The following CHODL variants were observed in gnomAD, a reference collection of about 807,000 sequenced individuals.
The protein encoded by CHODL is transmembrane protein MT75.
CHODL carries 29 observed loss-of-function variants against 34.5 expected under a neutral mutation model. That is an observed-to-expected ratio of 0.84 (90% confidence interval 0.63 to 1.15). The LOEUF is 1.15. Among genes scored for constraint, CHODL ranks in the 50% most tolerant of loss-of-function variants. The pLI, the probability that CHODL is intolerant of heterozygous loss-of-function variation, is 0.00. For synonymous variants in CHODL, 125 were observed against 116.1 expected (o/e 1.08, Z -0.49); for missense variants, 332 against 332.5 (o/e 1.00, Z 0.01).
rs1555875213 is a variant in CHODL, at chr21:18,136,120, A to AAG, written c.-45+108150_-45+108151insGA. 1.3e-3 allele frequency among the ~76,000 whole-genome samples: 162 copies of AAG among 125,856 alleles called. 6 individuals carry two copies. Among genetic ancestry groups the AAG allele is most frequent in the African/African-American group, 4.2e-3 (135 of 31,846 alleles). The allele number at this position is 125,856 out of a possible 152,430, so 82.6% of individuals were successfully genotyped here. ...GATTATGTCTCAAAAAAAAAAAAAG[A>AAG]AAAAGAAAAAAAAGAAAAAATGAAT... On this transcript the variant is annotated intron_variant, in intron 2 of 6. Coordinates refer to the CHODL transcript ENST00000400127.
intron 1 of CHODL, among the ~76,000 whole-genome samples, chr21:17,988,225 T>C (rs1469280599): frequency 6.6e-6 from 1 of 152,128 alleles, no homozygotes; most frequent in Non-Finnish European, 1.5e-5. Context: ...TGACTCACAT[T>C]GAGGAAGTCA....
At chr21:18,190,719 C>T (rs2824702) in intron 2 of CHODL, among the ~76,000 whole-genome samples, 12,667 of 152,052 alleles carry the variant, frequency 0.083, 667 homozygotes, top group East Asian at 0.14. Flanking sequence ...CATCATATCA[C>T]GTAAGGCTGA....
chr21:18,197,196 T>C (rs560166902), intron 2 of CHODL, among the ~76,000 whole-genome samples: 1 of 152,344 alleles, frequency 6.6e-6, no homozygotes, highest in East Asian at 1.9e-4. Flanking sequence ...TATACTGAAG[T>C]AAATATAAAT....
At chr21:18,221,582 C>A (rs546972221) in intron 2 of CHODL, among the ~76,000 whole-genome samples, 2 of 152,282 alleles carry the variant, frequency 1.3e-5, no homozygotes, top group South Asian at 4.1e-4. Flanking sequence ...AGAATGCTTT[C>A]ATTTTCTTCC....
chr21:17,934,264 G>A, intron 1 of CHODL, among the ~76,000 whole-genome samples: 1 of 151,362 alleles, frequency 6.6e-6, no homozygotes, highest in East Asian at 1.9e-4. Flanking sequence ...TCAAAAAACA[G>A]TAAAATAAAG....
chr21:18,264,068 C>A lies in CHODL; in HGVS notation c.737+1175C>A, dbSNP rs377465929. Among the ~76,000 whole-genome samples the A allele has an allele frequency of 2.2e-4, 33 of 152,066 alleles. No homozygotes were observed. The East Asian group carries it at 2.9e-3, about 13-fold the overall frequency. Reference sequence around the variant, plus strand: ...TTGGACATAATATTTTATTAGTAACCAAAACAGCTAAATCTAAGTGAATTA... The same window carrying A: ...TTGGACATAATATTTTATTAGTAACAAAAACAGCTAAATCTAAGTGAATTA... On this transcript the variant is annotated intron_variant, in intron 5 of 5. Transcript: ENST00000299295.
chr21:18,061,334 C>A (rs1049922469), intron 2 of CHODL, among the ~76,000 whole-genome samples: 3 of 152,064 alleles, frequency 2.0e-5, no homozygotes, highest in African/African-American at 4.8e-5. Context: ...ACAGGAAATA[C>A]TAGCTGTACA....
At chr21:18,120,430 C>T (rs1300944573) in intron 2 of CHODL, among the ~76,000 whole-genome samples, 2 of 151,986 alleles carry the variant, frequency 1.3e-5, no homozygotes, top group Non-Finnish European at 2.9e-5. Context: ...TTTTTCTGTC[C>T]ACATCCCTGT....
rs932082685 is a variant in CHODL at position 18,065,663 on chromosome 21, G to A, written c.-45+37692G>A. Reference sequence around the variant, plus strand: ...CATATTAAAATTTTGAAGAAGCTCCGGAGAAGAACATCAGTGTTTTAGCAA... The same window carrying A: ...CATATTAAAATTTTGAAGAAGCTCCAGAGAAGAACATCAGTGTTTTAGCAA... On this transcript the variant is annotated intron_variant, in intron 2 of 6. Coordinates refer to the CHODL transcript ENST00000400127. Among the ~76,000 whole-genome samples, 8 of 152,188 alleles carry A rather than the reference G, an allele frequency of 5.3e-5. No homozygotes were observed. The South Asian group carries it at 1.2e-3, about 24-fold the overall frequency.
At chr21:17,983,041 T>TA (rs1426306947) in intron 1 of CHODL, among the ~76,000 whole-genome samples, 1 of 152,042 alleles carries the variant, frequency 6.6e-6, no homozygotes, top group Non-Finnish European at 1.5e-5. Context: ...TATGTAGTGT[T>TA]ACATAATTTT....
At chr21:17,919,556 G>A (rs182436885) in intron 1 of CHODL, among the ~76,000 whole-genome samples, 3 of 152,160 alleles carry the variant, frequency 2.0e-5, no homozygotes, top group Non-Finnish European at 1.5e-5. Context: ...TCTGGCCCAC[G>A]AAACCATTTT....
chr21:18,204,253 C>CT (rs1318058182), intron 2 of CHODL, among the ~76,000 whole-genome samples: 3 of 152,042 alleles, frequency 2.0e-5, no homozygotes, highest in Non-Finnish European at 2.9e-5. Flanking sequence ...CTAAAAAAAC[C>CT]TTAAATACAT....
intron 1 of CHODL, among the ~76,000 whole-genome samples, chr21:17,946,595 G>A (rs2063411337): frequency 6.6e-6 from 1 of 152,168 alleles, no homozygotes; most frequent in Non-Finnish European, 1.5e-5. Context: ...CTTTGATATT[G>A]AGTGAATGTG....
chr21:18,088,876 A>C (rs2065039006), intron 2 of CHODL, among the ~76,000 whole-genome samples: 2 of 152,166 alleles, frequency 1.3e-5, no homozygotes, highest in East Asian at 3.9e-4. Context: ...AGTGAGTTAA[A>C]TACGCATGAC....
Position 17,971,068 on chromosome 21 carries a change from A to C in CHODL, c.-145+53668A>C, listed in dbSNP as rs369532713. ...TCCCTACAAAGGACATGAATGCATC[A>C]TTTTTTATGGCTACATAGTATTCCA... On this transcript the variant is annotated intron_variant, in intron 1 of 6. Transcript: ENST00000400127. Among the ~76,000 whole-genome samples, 27 of 152,204 alleles carry C rather than the reference A, an allele frequency of 1.8e-4. 1 individual carries two copies. The highest frequency in any genetic ancestry group is 5.1e-4 in the African/African-American group (21 of 41,522).
intron 2 of CHODL, among the ~76,000 whole-genome samples, chr21:18,032,692 C>T (rs971381124): frequency 6.6e-6 from 1 of 151,992 alleles, no homozygotes; most frequent in Non-Finnish European, 1.5e-5. Context: ...AAATATTTTT[C>T]TCTTATTTCC....
intron 2 of CHODL, among the ~76,000 whole-genome samples, chr21:18,115,777 C>T (rs1020380128): frequency 6.6e-6 from 1 of 152,150 alleles, no homozygotes; most frequent in Admixed American, 6.5e-5. Flanking sequence ...CATGTGGACA[C>T]TCCTTATCCT....
chr21:18,003,030 G>A (rs1045399396), intron 1 of CHODL, among the ~76,000 whole-genome samples: 1 of 151,942 alleles, frequency 6.6e-6, no homozygotes, highest in Non-Finnish European at 1.5e-5. Flanking sequence ...GGCTGAGGCA[G>A]GAGAATGGCG....
chr21:18,117,523 T>G (rs1209886949), intron 2 of CHODL, among the ~76,000 whole-genome samples: 1 of 152,128 alleles, frequency 6.6e-6, no homozygotes, highest in Admixed American at 6.5e-5. Flanking sequence ...TTCAATTCTG[T>G]CCTAAGCCAG....
Sources: gnomAD v4.1 joint callset for allele counts (sites outside exome capture counted in the v4.1 genomes callset) on GRCh38, gnomAD v4.1.1 for gene constraint, MANE v1.5 for transcripts, NCBI Gene and HGNC (gene_info 2026-07-23, HGNC 2026-07-21) for gene names.